EXOSC7: variants seen among roughly 807,000 people sequenced by gnomAD.
The protein encoded by EXOSC7 is exosome component 7.
Under a neutral mutation model 34.3 loss-of-function variants are expected in EXOSC7, and 25 were observed. The ratio of observed to expected loss-of-function variants is 0.73; its 90% CI spans 0.53 to 1.02. The LOEUF is 1.02. Ranked by LOEUF, EXOSC7 falls within the 50% of genes least tolerant of loss-of-function variation. EXOSC7 has a pLI of 0.00. For synonymous variants in EXOSC7, 130 were observed against 143.0 expected (o/e 0.91, Z 0.65); for missense variants, 370 against 368.5 (o/e 1.00, Z -0.03).
At chr3:44,995,681 G>A (rs150161909) in intron 3 of EXOSC7, among the ~76,000 whole-genome samples, 164 of 152,302 alleles carry the variant, frequency 1.1e-3, no homozygotes, top group East Asian at 5.4e-3. Context: ...GGAACAGCGA[G>A]GTTGCTATGG....
At chr3:44,992,532 C>T (rs905150182) in intron 3 of EXOSC7, among the ~76,000 whole-genome samples, 1 of 152,202 alleles carries the variant, frequency 6.6e-6, no homozygotes, top group Non-Finnish European at 1.5e-5. Context: ...ATATAGCCCT[C>T]ACAGCCCTTT....
chr3:44,989,975 T>C (rs1205596718), intron 3 of EXOSC7, among the ~76,000 whole-genome samples: 1 of 152,176 alleles, frequency 6.6e-6, no homozygotes, highest in East Asian at 1.9e-4. Context: ...ACAGTAAGGA[T>C]CATTTGGTCT....
chr3:44,980,726 A>G (rs767407470), intron 1 of EXOSC7, among the ~76,000 whole-genome samples: 10 of 152,200 alleles, frequency 6.6e-5, no homozygotes, highest in Non-Finnish European at 7.3e-5. Context: ...AGAAAGTTCT[A>G]ATTGACACCT....
intron 7 of EXOSC7, among the ~76,000 whole-genome samples, chr3:45,010,125 A>G (rs1251473838): frequency 6.6e-6 from 1 of 152,222 alleles, no homozygotes; most frequent in African/African-American, 2.4e-5. Context: ...CCACACTGCT[A>G]TGGGAATGTG....
chr3:45,001,872 C>T, intron 5 of EXOSC7: 1 of 400,928 alleles, frequency 2.5e-6, no homozygotes, highest in Non-Finnish European at 4.5e-6. Context: ...TATTAGAAAA[C>T]TACAGAGAAG....
intron 1 of EXOSC7, among the ~76,000 whole-genome samples, chr3:44,976,615 G>C (rs182337364): frequency 4.4e-4 from 67 of 152,280 alleles, no homozygotes; most frequent in African/African-American, 1.5e-3. Context: ...AGAGAGCATC[G>C]GCCCCAGGGC....
chr3:44,979,140 T>C lies in EXOSC7; in HGVS notation c.57+2806T>C, dbSNP rs188971704. ...ATGTTGGCCCAAAATATGCCATATG[T>C]ATAGAGGAGCAAAACACAATTTACA... On this transcript the variant is annotated intron_variant, in intron 1 of 7. Transcript: ENST00000265564. 1.7e-4 allele frequency among the ~76,000 whole-genome samples: 26 copies of C among 152,284 alleles called. No homozygotes were observed. The East Asian group carries it at 3.7e-3, about 21-fold the overall frequency.
chr3:44,990,672 C>T (rs1380064453), intron 3 of EXOSC7, among the ~76,000 whole-genome samples: 4 of 152,162 alleles, frequency 2.6e-5, no homozygotes, highest in African/African-American at 9.7e-5. Context: ...CAGGAAAGCC[C>T]ATTAGAGACT....
chr3:44,986,913 T>G (rs1047840863), intron 1 of EXOSC7, among the ~76,000 whole-genome samples: 1 of 152,174 alleles, frequency 6.6e-6, no homozygotes, highest in African/African-American at 2.4e-5. Context: ...TCACATACTT[T>G]AGAGCAGTGT....
intron 1 of EXOSC7, among the ~76,000 whole-genome samples, chr3:44,985,813 C>G (rs1296221013): frequency 6.6e-6 from 1 of 152,126 alleles, no homozygotes; most frequent in East Asian, 1.9e-4. Flanking sequence ...GTCCATTTTA[C>G]AGAGAGCCGA....
chr3:45,008,433 T>G (rs1707115969), intron 7 of EXOSC7, among the ~76,000 whole-genome samples: 1 of 152,228 alleles, frequency 6.6e-6, no homozygotes, highest in Non-Finnish European at 1.5e-5. Flanking sequence ...ATCTACTTTC[T>G]CTCTTTATCA....
chr3:45,012,348 T>C (rs1007481183), downstream of EXOSC7: 1 of 152,260 alleles, frequency 6.6e-6, no homozygotes, highest in African/African-American at 2.4e-5. Flanking sequence ...CTGAAGCCCT[T>C]GGGACTGCTT....
In EXOSC7 at chr3:45,011,422, G is replaced by A. The variant is rs1194227102; in HGVS notation, c.*83G>A. On this transcript the variant is annotated 3_prime_UTR_variant, in exon 8 of 8. Transcript: ENST00000265564. ...CGTATATATTTTTCTTCGCTGTTAC[G>A]AATTTACAGCAGCATTTGTACATGT... is the stretch of plus-strand genomic sequence containing the variant. 5 of 845,366 alleles carry A rather than the reference G, an allele frequency of 5.9e-6. No individual in the cohort carries two copies. The highest frequency in any genetic ancestry group is 4.6e-5 in the Admixed American group (2 of 43,314). The allele number at this position is 845,366 out of a possible 1,614,324, so 52.4% of individuals were successfully genotyped here. A position where few individuals can be genotyped will look rare whatever the true frequency, so the allele number is the denominator to read the frequency against.
chr3:45,003,355 G>A (rs1706939200), intron 5 of EXOSC7, among the ~76,000 whole-genome samples: 5 of 145,258 alleles, frequency 3.4e-5, no homozygotes, highest in African/African-American at 1.1e-4. Context: ...GCGTGCGTGT[G>A]TGTGTGTATG....
At chr3:45,006,623 A>G in intron 6 of EXOSC7, among the ~76,000 whole-genome samples, 1 of 147,660 alleles carries the variant, frequency 6.8e-6, no homozygotes, top group East Asian at 2.0e-4. Context: ...TCACCTTGTT[A>G]GCCAGGATGG....
At chr3:44,984,014 A>C (rs1706342998) in intron 1 of EXOSC7, among the ~76,000 whole-genome samples, 1 of 152,142 alleles carries the variant, frequency 6.6e-6, no homozygotes, top group South Asian at 2.1e-4. Flanking sequence ...TCTTTTACTT[A>C]TCACCTGAGC....
At chr3:45,008,882 G>C (rs962102249) in intron 7 of EXOSC7, among the ~76,000 whole-genome samples, 9 of 152,234 alleles carry the variant, frequency 5.9e-5, no homozygotes, top group African/African-American at 2.2e-4. Context: ...AATAGCTGGA[G>C]TTTATTGTGT....
At chr3:44,997,431 T>C (rs1706752967) in intron 4 of EXOSC7, among the ~76,000 whole-genome samples, 179 bp downstream of exon 4, 1 of 152,148 alleles carries the variant, frequency 6.6e-6, no homozygotes, top group Non-Finnish European at 1.5e-5. Context: ...ACAACATAGA[T>C]GTAAGCAGCA....
intron 3 of EXOSC7, among the ~76,000 whole-genome samples, chr3:44,994,268 G>A (rs1706656053): frequency 6.8e-6 from 1 of 146,764 alleles, no homozygotes; most frequent in African/African-American, 2.5e-5. Context: ...AAAAAGATAA[G>A]GTCTCCCTTC....
Sources: gnomAD v4.1 joint callset for allele counts (sites outside exome capture counted in the v4.1 genomes callset) on GRCh38, gnomAD v4.1.1 for gene constraint, MANE v1.5 for transcripts, NCBI Gene and HGNC (gene_info 2026-07-23, HGNC 2026-07-21) for gene names.